Variants in SLC1A2 observed in about 807,000 individuals in gnomAD.
SLC1A2 encodes excitatory amino acid transporter 2.
Under a neutral mutation model 48.8 loss-of-function variants are expected in SLC1A2, and 15 were observed. That is an observed-to-expected ratio of 0.31 (90% CI 0.21 to 0.47). SLC1A2 has a LOEUF of 0.47. SLC1A2 is among the 20% of genes least tolerant of loss of function. The probability of loss-of-function intolerance (pLI) is 0.99; values close to 1 mark genes in which losing one functional copy is unlikely to be tolerated. For synonymous variants in SLC1A2, 279 were observed against 272.6 expected, an observed-to-expected ratio of 1.02 and a Z score of -0.23; for missense variants, 502 against 730.5, an observed-to-expected ratio of 0.69 and a Z score of 3.61.
chr11:35,334,849 GTTTTGTTTTGTTTTGTTTT>G (rs1370007442), intron 1 of SLC1A2, among the ~76,000 whole-genome samples: 2 of 138,048 alleles, frequency 1.4e-5, no homozygotes, highest in Non-Finnish European at 3.0e-5. Flanking sequence ...GTTTTGTTTT[GTTTTGTTTTGTTTTGTTTT>G]GTTTTGCAAC....
intron 9 of SLC1A2, among the ~76,000 whole-genome samples, chr11:35,273,836 G>T (rs932900383): frequency 3.3e-5 from 5 of 152,234 alleles, no homozygotes; most frequent in Admixed American, 6.5e-5. Flanking sequence ...AAGCAGATTA[G>T]CTCTAGAGAC....
At chr11:35,342,985 C>A (rs895312757) in intron 1 of SLC1A2, among the ~76,000 whole-genome samples, 1 of 152,230 alleles carries the variant, frequency 6.6e-6, no homozygotes, top group African/African-American at 2.4e-5. Flanking sequence ...ACATCTTTTC[C>A]AGAATGGAAC....
chr11:35,253,105 C>G lies in SLC1A2; in HGVS notation c.*7789G>C, dbSNP rs1007833595. 6.6e-6 allele frequency: 1 copy of G among 152,154 alleles called. No homozygotes were observed. The highest frequency in any genetic ancestry group is 1.5e-5 in the Non-Finnish European group (1 of 68,010). The allele number at this position is 152,154 out of a possible 1,614,324, so 9.4% of individuals were successfully genotyped here. A position where few individuals can be genotyped will look rare whatever the true frequency, so the allele number is the denominator to read the frequency against. ...GGAAGACACCTCGTCTCTGCAGTGGCTATCGTTTTACCTTTCGGGGAAGTT... is the reference window on the plus strand; with the variant it reads ...GGAAGACACCTCGTCTCTGCAGTGGGTATCGTTTTACCTTTCGGGGAAGTT... On this transcript the variant is annotated 3_prime_UTR_variant, in exon 11 of 11. Transcript: ENST00000278379.
In SLC1A2 at chr11:35,306,171, A is replaced by T. The variant is rs1042110; in HGVS notation, c.633T>A (p.Val211=). 1 of 1,614,094 alleles carries T rather than the reference A, an allele frequency of 6.2e-7. No homozygotes were observed. Among genetic ancestry groups the T allele is most frequent in the South Asian group, 1.1e-5 (1 of 91,080 alleles). ...PDEEANATSA[V]VSLLNETVTE... The stretch of plus-strand genomic sequence containing the variant: ...TCACAGTCTCGTTCAACAGAGAGAC[A>T]ACAGCGCTGGTTGCGTTGGCCTCCT... The change falls in exon 5 of 11, where the codon GTT becomes GTA. Residue 211 remains valine, a synonymous_variant. Coordinates refer to ENST00000278379, the MANE Select transcript of SLC1A2 (RefSeq NM_004171.4).
chr11:35,318,578 C>T (rs936413388), intron 1 of SLC1A2, among the ~76,000 whole-genome samples: 4 of 152,108 alleles, frequency 2.6e-5, no homozygotes, highest in African/African-American at 7.2e-5. Context: ...GAACCAACAC[C>T]GAGCTGCAGA....
At chr11:35,338,023 T>G (rs1049790252) in intron 1 of SLC1A2, among the ~76,000 whole-genome samples, 6 of 152,232 alleles carry the variant, frequency 3.9e-5, no homozygotes, top group African/African-American at 1.4e-4. Context: ...GTGCCAGATC[T>G]TATTTGTTCA....
At position 35,315,111 on chromosome 11, in the gene SLC1A2, C is replaced by A. The variant is rs1322835019; in HGVS notation, c.222G>T (p.Val74=). The A allele has an allele frequency of 6.2e-7, 1 of 1,612,820 alleles. No homozygotes were observed. The highest frequency in any genetic ancestry group is 8.5e-7 in the Non-Finnish European group (1 of 1,178,818). Residue 74 remains valine (V), a synonymous_variant, in exon 3 of 11, where the codon GTG becomes GTT. Coordinates refer to ENST00000278379, the MANE Select transcript of SLC1A2 (RefSeq NM_004171.4). ...CCCCTGGGAAGGCTATTAACATAACCACATCAGGGTGGATGGGAGATGCCA... is the reference window on the plus strand; with the variant it reads ...CCCCTGGGAAGGCTATTAACATAACAACATCAGGGTGGATGGGAGATGCCA... ...LRLASPIHPD[V]VMLIAFPGDI... is the part of the protein sequence containing the mutation.
rs997768012 is a variant in SLC1A2 at position 35,286,670 on chromosome 11, G to A, written c.1286+87C>T. ...TTCATTGTCTTCCACCAGCAGAAAT[G>A]AAATTCAAGTGGCCTCTGTCACATG... On this transcript the variant is annotated intron_variant, in intron 8 of 10. Coordinates refer to ENST00000278379, the MANE Select transcript of SLC1A2 (RefSeq NM_004171.4). 6.7e-5 allele frequency: 62 copies of A among 920,434 alleles called. No individual in the cohort carries two copies. The South Asian group carries it at 1.3e-3, about 20-fold the overall frequency. 57.0% of individuals were successfully genotyped at this position (920,434 alleles called of 1,614,324 possible). A position where few individuals can be genotyped will look rare whatever the true frequency, so the allele number is the denominator to read the frequency against.
intron 1 of SLC1A2, among the ~76,000 whole-genome samples, chr11:35,363,413 G>T (rs1287093690): frequency 6.6e-6 from 1 of 152,056 alleles, no homozygotes; most frequent in Non-Finnish European, 1.5e-5. Flanking sequence ...GCCTCTTCTC[G>T]GTTGCCAAAG....
rs781590215 is a variant in SLC1A2 at position 35,280,869 on chromosome 11, C to T, written c.1419G>A (p.Leu473=). 1 of 1,602,982 alleles carries T rather than the reference C, an allele frequency of 6.2e-7. No individual in the cohort carries two copies. The highest frequency in any genetic ancestry group is 8.5e-7 in the Non-Finnish European group (1 of 1,174,078). ...GAACCCCATCCACAGACACTTACAGCAGCCAGTCCACAGCCACCAGCAGGC... is the reference window on the plus strand; with the variant it reads ...GAACCCCATCCACAGACACTTACAGTAGCCAGTCCACAGCCACCAGCAGGC... ...DISLLVAVDW[L]LDRMRTSVNV... is the part of the protein sequence containing the mutation. The change falls in exon 9 of 11, where the codon CTG becomes CTA. Residue 473 remains leucine, a splice_region_variant and synonymous_variant. Transcript: ENST00000278379.
At chr11:35,402,814 G>A (rs1049480929) in intron 1 of SLC1A2, among the ~76,000 whole-genome samples, 2 of 152,230 alleles carry the variant, frequency 1.3e-5, no homozygotes, top group African/African-American at 2.4e-5. Context: ...GGAGTTAGAA[G>A]TGTTGGAAGT....
intron 1 of SLC1A2, among the ~76,000 whole-genome samples, chr11:35,397,260 G>A (rs1327476839): frequency 2.7e-5 from 4 of 148,002 alleles, no homozygotes; most frequent in African/African-American, 7.3e-5. Flanking sequence ...GAGGCATCAC[G>A]CTACCTGACT....
chr11:35,283,052 A>T (rs1197059968), intron 8 of SLC1A2, among the ~76,000 whole-genome samples: 1 of 147,354 alleles, frequency 6.8e-6, no homozygotes, highest in African/African-American at 2.7e-5. Flanking sequence ...CCTCACAGTA[A>T]CCCTGCAAGG....
intron 9 of SLC1A2, among the ~76,000 whole-genome samples, chr11:35,277,803 A>C (rs552418722): frequency 6.6e-6 from 1 of 152,278 alleles, no homozygotes; most frequent in East Asian, 1.9e-4. Flanking sequence ...ATCACACAGC[A>C]ACTATGTGGT....
chr11:35,336,033 G>A (rs925408910), intron 1 of SLC1A2, among the ~76,000 whole-genome samples: 1 of 152,124 alleles, frequency 6.6e-6, no homozygotes, highest in South Asian at 2.1e-4. Flanking sequence ...GAATTGAGCT[G>A]GAAGCCATTA....
At chr11:35,300,349 A>G (rs762239835) in intron 6 of SLC1A2, among the ~76,000 whole-genome samples, 5 of 152,218 alleles carry the variant, frequency 3.3e-5, no homozygotes, top group Admixed American at 1.3e-4. Flanking sequence ...CATAAGTTGA[A>G]TTCATATGTC....
chr11:35,305,052 TCATC>T, intron 5 of SLC1A2, among the ~76,000 whole-genome samples: 1 of 152,268 alleles, frequency 6.6e-6, no homozygotes, highest in Middle Eastern at 3.4e-3. Flanking sequence ...TAAACATACT[TCATC>T]CATCCAGATT....
intron 3 of SLC1A2, among the ~76,000 whole-genome samples, chr11:35,313,167 G>A (rs1260486627): frequency 6.6e-6 from 1 of 152,104 alleles, no homozygotes; most frequent in African/African-American, 2.4e-5. Context: ...ATTTATTTAT[G>A]TTTTAATGTC....
At chr11:35,357,639 G>A (rs1853527981) in intron 1 of SLC1A2, among the ~76,000 whole-genome samples, 1 of 152,166 alleles carries the variant, frequency 6.6e-6, no homozygotes, top group Non-Finnish European at 1.5e-5. Flanking sequence ...CACAGCAATA[G>A]TGAAGTATAA....
Sources: allele counts gnomAD v4.1 joint callset (sites outside exome capture counted in the v4.1 genomes callset), GRCh38; gene constraint gnomAD v4.1.1; transcripts MANE v1.5; gene names NCBI Gene and HGNC (gene_info 2026-07-23, HGNC 2026-07-21).